The following THOC2 variants were observed in gnomAD, a reference collection of about 807,000 sequenced individuals.
THOC2 encodes THO complex subunit 2.
THOC2 carries 10 observed loss-of-function variants against 128.4 expected under a neutral mutation model. The observed-to-expected ratio is 0.08, with a 90% CI of 0.05 to 0.13. The LOEUF is 0.13. THOC2 is among the 10% of genes least tolerant of loss of function. The pLI is 1.00. For missense variants in THOC2, 535 were observed against 1,155.7 expected (o/e 0.46, Z 7.79); for synonymous variants, 393 against 396.9 (o/e 0.99, Z 0.12).
chrX:123,637,214 T>C (rs2047706573), intron 18 of THOC2, among the ~76,000 whole-genome samples: 1 of 111,796 alleles, frequency 8.9e-6, no homozygotes, highest in South Asian at 3.7e-4. Context: ...GTATGACTTA[T>C]TAAACATTTC....
intron 33 of THOC2, among the ~76,000 whole-genome samples, chrX:123,614,998 T>C (rs1340674212): frequency 8.9e-6 from 1 of 111,928 alleles, no homozygotes; most frequent in Admixed American, 9.5e-5. Flanking sequence ...AGATAACCCT[T>C]CTTAGGTGAG....
At position 123,626,628 on chromosome X, in the gene THOC2, C is replaced by G; in HGVS notation, c.2792G>C (p.Cys931Ser). The G allele has an allele frequency of 8.4e-7, 1 of 1,196,795 alleles. No homozygotes were observed. Among genetic ancestry groups the G allele is most frequent in the Non-Finnish European group, 1.1e-6 (1 of 891,056 alleles). The change falls in exon 24 of 39, where the codon TGT becomes TCT. Residue 931 changes from cysteine to serine, a missense_variant. By Grantham distance (112) the Cys-to-Ser change is moderately radical. Around this residue, in one of 9 missense-constraint regions of THOC2, gnomAD observed 90 missense variants for 298.6 expected, o/e 0.30. Transcript: ENST00000245838. ...PNKKKKEKER[C>S]TALQDKLLEE... ...AAGAAGCTTGTCCTGAAGGGCAGTA[C>G]AGCGCTCCTTCTCTTTTTTCTTTTT...
chrX:123,632,639 A>G (rs770856828), intron 21 of THOC2, among the ~76,000 whole-genome samples: 6 of 111,380 alleles, frequency 5.4e-5, no homozygotes, highest in African/African-American at 2.0e-4. Flanking sequence ...TAATGATGTA[A>G]TATTTAATTA....
intron 15 of THOC2, among the ~76,000 whole-genome samples, chrX:123,643,299 A>C (rs1002402580): frequency 3.6e-5 from 4 of 111,675 alleles, no homozygotes; most frequent in African/African-American, 1.3e-4. Context: ...TCTTATTTAT[A>C]TCACCATGCC....
rs374957618 is a variant in THOC2 at position 123,656,020 on chromosome X, A to G, written c.1386+9622T>C. On this transcript the variant is annotated intron_variant, in intron 12 of 38. Transcript: ENST00000245838. ...CGACAAAGCAAGACTCTGTCTGGGG[A>G]AAAAAAAAAGGGAACTTAATGGCCG... 5.3e-3 allele frequency among the ~76,000 whole-genome samples: 548 copies of G among 102,475 alleles called. 5 individuals carry two copies. The highest frequency in any genetic ancestry group is 0.018 in the African/African-American group (524 of 28,920). The allele number at this position is 102,475 out of a possible 115,157, so 89.0% of individuals were successfully genotyped here.
chrX:123,621,057 C>T, intron 31 of THOC2, 92 bp from the exon 32 acceptor site: 1 of 1,180,910 alleles, frequency 8.5e-7, no homozygotes, highest in Non-Finnish European at 1.1e-6. Context: ...ACAAGTTCCC[C>T]TAGCAAAACC....
intron 2 of THOC2, among the ~76,000 whole-genome samples, chrX:123,709,320 G>A (rs908398929): frequency 2.7e-5 from 3 of 111,606 alleles, no homozygotes; most frequent in Non-Finnish European, 5.7e-5. Flanking sequence ...GGCCGGGCGC[G>A]GTGGCTCAAG....
intron 1 of THOC2, among the ~76,000 whole-genome samples, chrX:123,725,523 T>C (rs2051920311): frequency 9.6e-6 from 1 of 104,628 alleles, no homozygotes; most frequent in Admixed American, 1.0e-4. Context: ...GGAGGATCAC[T>C]TGAGCCTGCA....
At chrX:123,721,949 T>A (rs1427857331) in intron 1 of THOC2, among the ~76,000 whole-genome samples, 1 of 112,265 alleles carries the variant, frequency 8.9e-6, no homozygotes, top group African/African-American at 3.2e-5. Context: ...CAAGCTGAAC[T>A]AGCTTGTTTT....
At chrX:123,606,851 C>G (rs917443823) in intron 38 of THOC2, among the ~76,000 whole-genome samples, 1 of 110,901 alleles carries the variant, frequency 9.0e-6, no homozygotes, top group East Asian at 2.8e-4. Context: ...AAATCAAAGT[C>G]CTACATCCAA....
At position 123,645,334 on chromosome X, in the gene THOC2, C is replaced by T. The variant is rs767334419; in HGVS notation, c.1428G>A (p.Thr476=). 39 of 1,131,347 alleles carry T rather than the reference C, an allele frequency of 3.4e-5. No homozygotes were observed. Among genetic ancestry groups the T allele is most frequent in the East Asian group, 6.1e-5 (2 of 32,527 alleles). The allele number at this position is 1,131,347 out of a possible 1,213,427, so 93.2% of individuals were successfully genotyped here. The change falls in exon 13 of 39, where the codon ACG becomes ACA. Residue 476 remains threonine (T), a splice_region_variant and synonymous_variant. Coordinates refer to ENST00000245838, the MANE Select transcript of THOC2 (RefSeq NM_001081550.2). ...TTATTGGATTTTTCTAGTCTCTTAC[C>T]GTTTTTTCTTTATCTTCTTGTTTGC... ...DGSKQEDKEK[T]EVILSCLLSI...
At chrX:123,668,743 G>T (rs753411230) in intron 9 of THOC2, among the ~76,000 whole-genome samples, 1 of 111,965 alleles carries the variant, frequency 8.9e-6, no homozygotes, top group Non-Finnish European at 1.9e-5. Context: ...ATAACACAAA[G>T]GGATAAATTT....
At chrX:123,614,211 A>T in intron 33 of THOC2, 22 bp from the exon 34 acceptor site, 1 of 1,113,405 alleles carries the variant, frequency 9.0e-7, no homozygotes, top group Non-Finnish European at 1.2e-6. Context: ...AGGCAATATT[A>T]CTAAAGATTA....
intron 12 of THOC2, among the ~76,000 whole-genome samples, chrX:123,662,587 CAAAAAA>C (rs777761030): frequency 2.1e-5 from 1 of 47,460 alleles, no homozygotes; most frequent in Admixed American, 2.8e-4. Context: ...GACTCCGTCT[CAAAAAA>C]AAAAAAAAAA....
At chrX:123,661,078 T>C (rs1415280049) in intron 12 of THOC2, among the ~76,000 whole-genome samples, 1 of 112,211 alleles carries the variant, frequency 8.9e-6, no homozygotes, top group Non-Finnish European at 1.9e-5. Context: ...GAAAGACAAA[T>C]ATCATATGTT....
intron 12 of THOC2, among the ~76,000 whole-genome samples, chrX:123,659,585 C>A (rs1056407815): frequency 7.2e-5 from 8 of 111,823 alleles, no homozygotes; most frequent in Non-Finnish European, 7.5e-5. Context: ...AAAACAAAAA[C>A]AAAAACAAGT....
At chrX:123,704,249 C>T (rs1272305492) in intron 3 of THOC2, among the ~76,000 whole-genome samples, 1 of 111,734 alleles carries the variant, frequency 8.9e-6, no homozygotes, top group African/African-American at 3.3e-5. Flanking sequence ...TGTGCTCATG[C>T]CTGAGTCAAT....
intron 15 of THOC2, among the ~76,000 whole-genome samples, chrX:123,642,848 G>T (rs1420058679): frequency 9.0e-6 from 1 of 110,791 alleles, no homozygotes; most frequent in East Asian, 2.8e-4. Context: ...TTCCTTGAGG[G>T]GAAGAACTGA....
chrX:123,672,302 C>CTT (rs1386246004), intron 8 of THOC2, among the ~76,000 whole-genome samples: 3 of 98,022 alleles, frequency 3.1e-5, no homozygotes, highest in South Asian at 4.7e-4. Context: ...CCACACCCAG[C>CTT]TTTTTTTTTT....
Sources: allele counts gnomAD v4.1 joint callset (sites outside exome capture counted in the v4.1 genomes callset), GRCh38; gene constraint gnomAD v4.1.1; regional missense constraint gnomAD v4.1.1; transcripts MANE v1.5; gene names NCBI Gene and HGNC (gene_info 2026-07-23, HGNC 2026-07-21).